The following ADGRL3 variants were observed in gnomAD, a reference collection of about 807,000 sequenced individuals.
ADGRL3 encodes calcium-independent alpha-latrotoxin receptor 3.
A neutral mutation model predicts 153.5 loss-of-function variants in ADGRL3; 62 were observed. The ratio of observed to expected loss-of-function variants is 0.40; its 90% CI spans 0.33 to 0.50. The LOEUF (loss-of-function observed/expected upper bound fraction) is 0.50. Among genes scored for constraint, ADGRL3 ranks in the 20% least tolerant of loss-of-function variants. The pLI is 0.47. For missense variants in ADGRL3, 1,641 were observed against 1,859.4 expected (o/e 0.88, Z 2.16); for synonymous variants, 710 against 672.5 (o/e 1.06, Z -0.86).
chr4:61,434,199 G>A lies in ADGRL3; in HGVS notation c.-174+51010G>A, dbSNP rs186529012. 1.8e-3 allele frequency among the ~76,000 whole-genome samples: 279 copies of A among 152,112 alleles called. 1 individual carries two copies. Among genetic ancestry groups the A allele is most frequent in the Non-Finnish European group, 3.4e-3 (231 of 67,970 alleles). ...TTATTTGTGGAGTGATGGATTGATG[G>A]GGGCTTCCTTAAAGAGTCTCTTCTG... On this transcript the variant is annotated intron_variant, in intron 2 of 26. Transcript: ENST00000683033.
intron 3 of ADGRL3, among the ~76,000 whole-genome samples, chr4:61,511,180 A>G (rs993444911): frequency 2.6e-5 from 4 of 152,122 alleles, no homozygotes; most frequent in African/African-American, 9.7e-5. Flanking sequence ...CAACTTGGTG[A>G]AACCCTCTCT....
chr4:61,746,570 A>G (rs998991943), intron 8 of ADGRL3, among the ~76,000 whole-genome samples: 2 of 152,140 alleles, frequency 1.3e-5, no homozygotes, highest in Non-Finnish European at 2.9e-5. Context: ...AAACCACTCA[A>G]CTACATGGAA....
intron 5 of ADGRL3, among the ~76,000 whole-genome samples, chr4:61,651,118 G>A (rs958834477): frequency 1.9e-4 from 29 of 151,970 alleles, no homozygotes; most frequent in African/African-American, 6.3e-4. Flanking sequence ...AAAAAGGTTC[G>A]GAAGAAAAGT....
At chr4:61,590,382 A>T (rs11131332) in intron 5 of ADGRL3, among the ~76,000 whole-genome samples, 12,463 of 151,814 alleles carry the variant, frequency 0.082, 858 homozygotes, top group African/African-American at 0.19. Flanking sequence ...AGAGTTTTTT[A>T]AAAAAAATAT....
intron 9 of ADGRL3, among the ~76,000 whole-genome samples, chr4:61,844,596 A>ATATATATATATATATATATT (rs1308848942): frequency 8.2e-6 from 1 of 122,128 alleles, no homozygotes; most frequent in African/African-American, 3.2e-5. Flanking sequence ...ATATATATAT[A>ATATATATATATATATATATT]TTTACTTTAT....
At chr4:61,344,237 T>C (rs2095857526) in intron 1 of ADGRL3, among the ~76,000 whole-genome samples, 1 of 152,200 alleles carries the variant, frequency 6.6e-6, no homozygotes, top group Admixed American at 6.5e-5. Context: ...TCCTTCAAAG[T>C]CACTTGAATG....
intron 9 of ADGRL3, among the ~76,000 whole-genome samples, chr4:61,873,619 A>G (rs926234551): frequency 6.6e-6 from 1 of 152,182 alleles, no homozygotes; most frequent in African/African-American, 2.4e-5. Flanking sequence ...AAAAGCAACC[A>G]TCCAGCCATT....
intron 4 of ADGRL3, among the ~76,000 whole-genome samples, chr4:61,539,605 G>A (rs929997009): frequency 2.6e-5 from 4 of 152,112 alleles, no homozygotes; most frequent in Non-Finnish European, 2.9e-5. Flanking sequence ...CAGTGGGTAC[G>A]CAAACAGCGT....
intron 4 of ADGRL3, among the ~76,000 whole-genome samples, chr4:61,583,938 C>T (rs1156697929): frequency 6.6e-6 from 1 of 151,944 alleles, no homozygotes; most frequent in African/African-American, 2.4e-5. Flanking sequence ...GTTAACCTGG[C>T]ACAACATGCA....
At chr4:61,586,704 TTAAA>T (rs1296780791) in intron 4 of ADGRL3, among the ~76,000 whole-genome samples, 1 of 152,096 alleles carries the variant, frequency 6.6e-6, no homozygotes, top group Non-Finnish European at 1.5e-5. Flanking sequence ...CTCCATTTTC[TTAAA>T]TAAATAGCAA....
intron 17 of ADGRL3, among the ~76,000 whole-genome samples, chr4:61,977,174 A>G (rs572091381): frequency 6.6e-6 from 1 of 151,924 alleles, no homozygotes; most frequent in African/African-American, 2.4e-5. Flanking sequence ...ACCTACACAG[A>G]TAAAAGTGGG....
intron 9 of ADGRL3, among the ~76,000 whole-genome samples, chr4:61,866,834 T>C (rs2098403109): frequency 6.6e-6 from 1 of 152,140 alleles, no homozygotes. Context: ...AAAGGTAGTG[T>C]CACATCAATC....
At chr4:61,377,684 C>G (rs913935998) in intron 1 of ADGRL3, among the ~76,000 whole-genome samples, 1 of 151,914 alleles carries the variant, frequency 6.6e-6, no homozygotes, top group Non-Finnish European at 1.5e-5. Context: ...TTTACACCTT[C>G]TTTCCTTTAT....
At chr4:61,568,000 G>T (rs1469783416) in intron 4 of ADGRL3, among the ~76,000 whole-genome samples, 1 of 152,090 alleles carries the variant, frequency 6.6e-6, no homozygotes, top group African/African-American at 2.4e-5. Context: ...TCTTGTCAAG[G>T]CAGGAAGTAA....
chr4:61,924,894 C>G (rs1393678724), intron 13 of ADGRL3, among the ~76,000 whole-genome samples: 1 of 152,190 alleles, frequency 6.6e-6, no homozygotes, highest in Non-Finnish European at 1.5e-5. Flanking sequence ...ATTTTACCTT[C>G]TAACACTATA....
intron 2 of ADGRL3, among the ~76,000 whole-genome samples, chr4:61,443,295 C>T (rs1412589331): frequency 1.3e-5 from 2 of 152,104 alleles, no homozygotes; most frequent in Non-Finnish European, 2.9e-5. Flanking sequence ...TAAAGGAACT[C>T]ATGCTCTGAA....
chr4:62,028,346 T>C (rs925244900), intron 21 of ADGRL3, among the ~76,000 whole-genome samples: 1 of 151,812 alleles, frequency 6.6e-6, no homozygotes, highest in African/African-American at 2.4e-5. Context: ...AGATAGATTA[T>C]TTTCTAAGGG....
chr4:61,238,578 A>G (rs1373401927), intron 1 of ADGRL3, among the ~76,000 whole-genome samples: 27 of 151,860 alleles, frequency 1.8e-4, no homozygotes. Context: ...TTGAGCATCA[A>G]CCTAAAATTG....
At chr4:61,946,048 A>C (rs1384474295) in intron 15 of ADGRL3, among the ~76,000 whole-genome samples, 2 of 152,192 alleles carry the variant, frequency 1.3e-5, no homozygotes, top group Admixed American at 6.5e-5. Flanking sequence ...GGCTATTAAG[A>C]ATAAGGATAT....
Sources: allele counts gnomAD v4.1 joint callset (sites outside exome capture counted in the v4.1 genomes callset), GRCh38; gene constraint gnomAD v4.1.1; transcripts MANE v1.5; gene names NCBI Gene and HGNC (gene_info 2026-07-23, HGNC 2026-07-21).